FGF14: variants seen among roughly 807,000 people sequenced by gnomAD.
FGF14 encodes fibroblast growth factor 14.
FGF14 carries 5 observed loss-of-function variants against 25.5 expected under a neutral mutation model. That is an observed-to-expected ratio of 0.20 (90% CI 0.10 to 0.41). The LOEUF is 0.41. Ranked by LOEUF, FGF14 falls within the 10% of genes least tolerant of loss-of-function variation. The pLI is 1.00. For missense variants in FGF14, 222 were observed against 320.1 expected, an observed-to-expected ratio of 0.69 and a Z score of 2.34; for synonymous variants, 138 against 118.3, an observed-to-expected ratio of 1.17 and a Z score of -1.08.
intron 3 of FGF14, among the ~76,000 whole-genome samples, chr13:101,727,816 ACT>A (rs1367828378): frequency 6.6e-6 from 1 of 152,098 alleles, no homozygotes; most frequent in East Asian, 1.9e-4. Flanking sequence ...TAGGTCCAAC[ACT>A]GTGCTATTCT....
intron 1 of FGF14, among the ~76,000 whole-genome samples, chr13:102,112,586 T>C (rs907192519): frequency 3.9e-5 from 6 of 152,208 alleles, no homozygotes; most frequent in African/African-American, 1.4e-4. Context: ...TCTTCTGTGC[T>C]CCAGGCATTT....
chr13:102,341,200 C>A (rs1214828305), intron 1 of FGF14, among the ~76,000 whole-genome samples: 1 of 151,844 alleles, frequency 6.6e-6, no homozygotes, highest in East Asian at 1.9e-4. Flanking sequence ...GGGATTTAAT[C>A]CAGAATAAAA....
chr13:102,141,586 T>C lies in FGF14; in HGVS notation c.208+259885A>G, dbSNP rs146554931. 3.2e-3 allele frequency among the ~76,000 whole-genome samples: 481 copies of C among 152,352 alleles called. 4 individuals carry two copies. The highest frequency in any genetic ancestry group is 0.014 in the South Asian group (66 of 4,832). ...CTGAAAATCATGAGGAGTTATACTA[T>C]TGTAATTTCAGAAGTTTCTCTAGCT... On this transcript the variant is annotated intron_variant, in intron 1 of 4. Transcript: ENST00000376131.
intron 1 of FGF14, among the ~76,000 whole-genome samples, chr13:102,326,731 GAAGGAAGGAAGGAAGGAAGGAAA>G: frequency 2.9e-5 from 3 of 104,140 alleles, no homozygotes; most frequent in Admixed American, 2.6e-4. Context: ...AGGAAGGAAG[GAAGGAAGGAAGGAAGGAAGGAAA>G]GAGGGAGGGA....
intron 3 of FGF14, among the ~76,000 whole-genome samples, chr13:101,790,454 G>A (rs374549507): frequency 1.2e-4 from 18 of 146,034 alleles, no homozygotes; most frequent in Admixed American, 4.8e-4. Context: ...GTGGGTACAT[G>A]TGCAGGTTTG....
chr13:102,062,963 TA>T, intron 1 of FGF14, among the ~76,000 whole-genome samples: 1 of 152,320 alleles, frequency 6.6e-6, no homozygotes, highest in Non-Finnish European at 1.5e-5. Flanking sequence ...CTGCATGAAG[TA>T]AAAATATGTT....
At chr13:101,729,637 C>T (rs1240584043) in intron 3 of FGF14, among the ~76,000 whole-genome samples, 1 of 152,096 alleles carries the variant, frequency 6.6e-6, no homozygotes, top group Non-Finnish European at 1.5e-5. Context: ...ATACGTATTA[C>T]ACATTTAGAA....
chr13:102,085,161 T>C (rs2043833311), intron 1 of FGF14, among the ~76,000 whole-genome samples: 3 of 152,230 alleles, frequency 2.0e-5, no homozygotes, highest in Admixed American at 1.3e-4. Flanking sequence ...TTTTGATCAG[T>C]AAAATTCACT....
intron 3 of FGF14, among the ~76,000 whole-genome samples, chr13:101,845,252 G>A (rs1280620531): frequency 6.6e-6 from 1 of 151,980 alleles, no homozygotes; most frequent in Non-Finnish European, 1.5e-5. Flanking sequence ...TTTGCATGTC[G>A]AAGCATTTCT....
intron 1 of FGF14, among the ~76,000 whole-genome samples, chr13:102,123,730 C>A (rs1342807483): frequency 6.6e-6 from 1 of 152,038 alleles, no homozygotes. Flanking sequence ...TGATTCTTGA[C>A]CCCCATCCGG....
At chr13:101,892,777 A>G (rs1566388768) in intron 1 of FGF14, among the ~76,000 whole-genome samples, 1 of 152,168 alleles carries the variant, frequency 6.6e-6, no homozygotes, top group Non-Finnish European at 1.5e-5. Flanking sequence ...GGTGGACATA[A>G]CCATATCTGG....
At chr13:102,021,511 T>C (rs2040650960) in intron 1 of FGF14, among the ~76,000 whole-genome samples, 1 of 151,340 alleles carries the variant, frequency 6.6e-6, no homozygotes, top group Non-Finnish European at 1.5e-5. Flanking sequence ...CCTTTATGAG[T>C]AGCTGTGCGT....
intron 1 of FGF14, among the ~76,000 whole-genome samples, chr13:102,195,414 A>G (rs991344147): frequency 1.3e-5 from 2 of 152,188 alleles, no homozygotes; most frequent in African/African-American, 4.8e-5. Context: ...TTAAATTGGT[A>G]TTGATCCAAA....
chr13:102,288,797 C>T (rs1275026993), intron 1 of FGF14, among the ~76,000 whole-genome samples: 1 of 152,082 alleles, frequency 6.6e-6, no homozygotes, highest in Non-Finnish European at 1.5e-5. Context: ...GTTGGCCAGG[C>T]TGGTCTCAAA....
chr13:102,387,123 G>T (rs936422645), intron 1 of FGF14, among the ~76,000 whole-genome samples: 2 of 152,156 alleles, frequency 1.3e-5, no homozygotes, highest in Non-Finnish European at 2.9e-5. Flanking sequence ...CAACTGCTGA[G>T]AATAAGGCAT....
At chr13:101,778,691 TA>T (rs1219752256) in intron 3 of FGF14, among the ~76,000 whole-genome samples, 1 of 152,174 alleles carries the variant, frequency 6.6e-6, no homozygotes, top group Non-Finnish European at 1.5e-5. Flanking sequence ...TCCCCGTTTC[TA>T]AAAAGTGTTT....
At chr13:102,083,584 G>A (rs535551927) in intron 1 of FGF14, among the ~76,000 whole-genome samples, 2 of 152,256 alleles carry the variant, frequency 1.3e-5, no homozygotes, top group African/African-American at 2.4e-5. Flanking sequence ...AACTGCCAAC[G>A]AAAGAAGCTC....
At chr13:102,076,828 G>A (rs2043385242) in intron 1 of FGF14, among the ~76,000 whole-genome samples, 1 of 151,886 alleles carries the variant, frequency 6.6e-6, no homozygotes, top group Admixed American at 6.6e-5. Flanking sequence ...GAAATATTGA[G>A]CAAAAGGAAC....
intron 3 of FGF14, among the ~76,000 whole-genome samples, chr13:101,731,224 C>G (rs1000740470): frequency 2.0e-5 from 3 of 152,144 alleles, no homozygotes; most frequent in African/African-American, 4.8e-5. Context: ...GTGAAACACT[C>G]TCTAAAACTG....
Sources: gnomAD v4.1 joint callset for allele counts (sites outside exome capture counted in the v4.1 genomes callset) on GRCh38, gnomAD v4.1.1 for gene constraint, MANE v1.5 for transcripts, NCBI Gene and HGNC (gene_info 2026-07-23, HGNC 2026-07-21) for gene names.